The following ZMYND11 variants were observed in gnomAD, a reference collection of about 807,000 sequenced individuals.
ZMYND11 encodes zinc finger MYND domain-containing protein 11.
Under a neutral mutation model 84.9 loss-of-function variants are expected in ZMYND11, and 9 were observed. The observed-to-expected ratio is 0.11, with a 90% CI of 0.06 to 0.18. The LOEUF is 0.18. Among genes scored for constraint, ZMYND11 ranks in the 10% least tolerant of loss-of-function variants. ZMYND11 has a pLI of 1.00. For missense variants in ZMYND11, 409 were observed against 761.0 expected (o/e 0.54, Z 5.44); for synonymous variants, 250 against 244.1 (o/e 1.02, Z -0.23).
chr10:158,365 A>G (rs1169278673), intron 1 of ZMYND11, among the ~76,000 whole-genome samples: 1 of 149,706 alleles, frequency 6.7e-6, no homozygotes, highest in Non-Finnish European at 1.5e-5. Context: ...ACCGGTTTCT[A>G]TTATTGTACC....
chr10:250,532 C>G (rs1953224268), intron 14 of ZMYND11, among the ~76,000 whole-genome samples: 1 of 151,966 alleles, frequency 6.6e-6, no homozygotes. Context: ...CTTAAGTTTA[C>G]TAAAGAATCA....
chr10:135,202 G>A (rs1835628070), upstream of ZMYND11: 1 of 151,288 alleles, frequency 6.6e-6, no homozygotes, highest in South Asian at 2.1e-4. The surrounding 1 kb of genome is among the most constrained non-coding windows in gnomAD (Gnocchi z 5.6). Flanking sequence ...GGGAAGACGC[G>A]AGTAAGTGCG....
intron 2 of ZMYND11, among the ~76,000 whole-genome samples, chr10:187,209 G>C (rs1362829347): frequency 6.6e-6 from 1 of 152,046 alleles, no homozygotes; most frequent in Non-Finnish European, 1.5e-5. Flanking sequence ...CTGGGAGACA[G>C]AGTGAGAACC....
rs772394695 is a variant in ZMYND11 at position 180,048 on chromosome 10, A to G, written c.36A>G (p.Thr12=). ...TAACAAAAAGACGACAGGCGGATAC[A>G]AAAGCTATCCAGCATCTTTGGGCAG... ...ARLTKRRQAD[T]KAIQHLWAAI... Residue 12 remains threonine, a synonymous_variant, in exon 2 of 15, where the codon ACA becomes ACG. Coordinates refer to ENST00000381604, the MANE Select transcript of ZMYND11 (RefSeq NM_001370100.5). The G allele has an allele frequency of 6.2e-7, 1 of 1,613,854 alleles. No individual in the cohort carries two copies. Among genetic ancestry groups the G allele is most frequent in the Admixed American group, 1.7e-5 (1 of 60,018 alleles).
intron 3 of ZMYND11, among the ~76,000 whole-genome samples, chr10:219,162 A>T (rs1362726696): frequency 1.3e-5 from 2 of 152,162 alleles, no homozygotes; most frequent in Admixed American, 6.5e-5. Flanking sequence ...CCTATCAAAG[A>T]TCCATTTTTA....
At chr10:202,781 A>G (rs1402793341) in intron 2 of ZMYND11, among the ~76,000 whole-genome samples, 1 of 152,164 alleles carries the variant, frequency 6.6e-6, no homozygotes, top group African/African-American at 2.4e-5. Flanking sequence ...TATTGTTTTC[A>G]CTGACTTTAT....
chr10:198,410 A>T (rs1187095504), intron 2 of ZMYND11, among the ~76,000 whole-genome samples: 3 of 152,162 alleles, frequency 2.0e-5, no homozygotes, highest in Admixed American at 2.0e-4. Context: ...TAATACCTTT[A>T]CTGTTAACAA....
At chr10:207,553 T>C (rs1944416912) in intron 2 of ZMYND11, among the ~76,000 whole-genome samples, 1 of 152,224 alleles carries the variant, frequency 6.6e-6, no homozygotes, top group African/African-American at 2.4e-5. Context: ...AGATGGTATC[T>C]CATTGTGGTT....
intron 1 of ZMYND11, among the ~76,000 whole-genome samples, chr10:139,390 G>A (rs1015827533): frequency 2.4e-4 from 37 of 152,112 alleles, no homozygotes; most frequent in African/African-American, 8.2e-4. Flanking sequence ...TTCAGCATAT[G>A]TGAGTTTATT....
chr10:163,254 T>C (rs2131526893), intron 1 of ZMYND11, among the ~76,000 whole-genome samples: 1 of 152,284 alleles, frequency 6.6e-6, no homozygotes, highest in African/African-American at 2.4e-5. Flanking sequence ...GAAGCAACTC[T>C]CAGTGTTTTG....
Position 253,768 on chromosome 10 carries a change from ATATT to A in ZMYND11, c.*1305_*1308del, listed in dbSNP as rs1199849911. Reference sequence around the variant, plus strand: ...TTTGAGGTTAGAGAATAATTTGTACATATTTATTTAGACCTTTGATATTTATTAA... The same window carrying A: ...TTTGAGGTTAGAGAATAATTTGTACATATTTAGACCTTTGATATTTATTAA... On this transcript the variant is annotated 3_prime_UTR_variant, in exon 15 of 15. Transcript: ENST00000381604. The A allele has an allele frequency of 6.6e-6, 1 of 152,620 alleles. No homozygotes were observed. Among genetic ancestry groups the A allele is most frequent in the African/African-American group, 2.4e-5 (1 of 41,442 alleles). The allele number at this position is 152,620 out of a possible 1,614,324, so 9.5% of individuals were successfully genotyped here.
intron 1 of ZMYND11, chr10:154,772 C>G (rs1554758214): frequency 6.6e-6 from 1 of 152,094 alleles, no homozygotes; most frequent in African/African-American, 2.4e-5. Context: ...ATTTTCACAT[C>G]TTTTAATATC....
chr10:164,265 G>A (rs1038814962), intron 1 of ZMYND11, among the ~76,000 whole-genome samples: 1 of 152,036 alleles, frequency 6.6e-6, no homozygotes, highest in South Asian at 2.1e-4. Flanking sequence ...TCAATTAACG[G>A]CTTTTGCATG....
At chr10:170,564 G>T (rs1845087545) in intron 1 of ZMYND11, among the ~76,000 whole-genome samples, 1 of 151,930 alleles carries the variant, frequency 6.6e-6, no homozygotes, top group African/African-American at 2.4e-5. Flanking sequence ...TCAGAATATT[G>T]TGTTACTATA....
chr10:240,141 T>G (rs1950625409), intron 8 of ZMYND11, 30 bp downstream of exon 8: 2 of 1,481,184 alleles, frequency 1.4e-6, no homozygotes, highest in East Asian at 4.7e-5. Flanking sequence ...AGTTATACTC[T>G]TTCTATAACT....
intron 1 of ZMYND11, among the ~76,000 whole-genome samples, chr10:177,240 C>T (rs1379726065): frequency 5.3e-5 from 8 of 152,116 alleles, no homozygotes; most frequent in Admixed American, 5.2e-4. Flanking sequence ...ATCTTGCCTC[C>T]ATGGGTCAAG....
At chr10:195,904 A>G (rs1280388025) in intron 2 of ZMYND11, among the ~76,000 whole-genome samples, 1 of 152,238 alleles carries the variant, frequency 6.6e-6, no homozygotes. Context: ...TTAAACCAAG[A>G]AGAAGTAAAT....
At chr10:227,258 A>T (rs1212743141) in intron 4 of ZMYND11, among the ~76,000 whole-genome samples, 3 of 152,170 alleles carry the variant, frequency 2.0e-5, no homozygotes, top group African/African-American at 7.2e-5. Context: ...GTTAGTAGGA[A>T]CTATTCCTAA....
At chr10:215,949 A>G (rs1946138401) in intron 3 of ZMYND11, among the ~76,000 whole-genome samples, 1 of 152,180 alleles carries the variant, frequency 6.6e-6, no homozygotes, top group South Asian at 2.1e-4. Context: ...TAATGAAAAT[A>G]TATATTTTCT....
Sources: allele counts gnomAD v4.1 joint callset (sites outside exome capture counted in the v4.1 genomes callset), GRCh38; gene constraint gnomAD v4.1.1; non-coding constraint Gnocchi (gnomAD v3.1); transcripts MANE v1.5; gene names NCBI Gene and HGNC (gene_info 2026-07-23, HGNC 2026-07-21).